The following UPP2 variants were observed in gnomAD, a reference collection of about 807,000 sequenced individuals.
The protein encoded by UPP2 is uridine phosphorylase 2.
In UPP2, 23 loss-of-function variants were observed where a neutral mutation model predicts 26.7. That is an observed-to-expected ratio of 0.86 (90% CI 0.62 to 1.22). The LOEUF is 1.22. UPP2 is among the 50% of genes most tolerant of loss of function. UPP2 has a pLI of 0.00. For missense variants in UPP2, 387 were observed against 396.7 expected, an observed-to-expected ratio of 0.98 and a Z score of 0.21; for synonymous variants, 127 against 141.3, an observed-to-expected ratio of 0.90 and a Z score of 0.72.
Position 158,116,400 on chromosome 2 carries a change from T to C in UPP2, c.339+1141T>C, listed in dbSNP as rs573528587. On this transcript the variant is annotated intron_variant, in intron 3 of 6. Coordinates refer to ENST00000005756, the MANE Select transcript of UPP2 (RefSeq NM_173355.4). Reference sequence around the variant, plus strand: ...GTTTCTTAAAAATGTGACACTACCATAAATAAGCAGTAAAACTTCACAGTA... The same window carrying C: ...GTTTCTTAAAAATGTGACACTACCACAAATAAGCAGTAAAACTTCACAGTA... 2.7e-4 allele frequency among the ~76,000 whole-genome samples: 41 copies of C among 152,224 alleles called. No homozygotes were observed. In the South Asian group the frequency reaches 8.1e-3, roughly 30 times the overall value.
chr2:158,041,980 C>A (rs1684088160), intron 3 of UPP2, among the ~76,000 whole-genome samples: 1 of 152,222 alleles, frequency 6.6e-6, no homozygotes, highest in Non-Finnish European at 1.5e-5. Flanking sequence ...TAATCCCTGA[C>A]TTAATCTTAC....
chr2:158,133,382 CGGAGAGAAACT>C (rs1683864483), intron 6 of UPP2, among the ~76,000 whole-genome samples: 1 of 151,968 alleles, frequency 6.6e-6, no homozygotes, highest in Non-Finnish European at 1.5e-5. Context: ...GGATGGGGAA[CGGAGAGAAACT>C]GGTCGAAGGG....
chr2:158,074,829 AT>A (rs553783906), intron 3 of UPP2, among the ~76,000 whole-genome samples: 4,339 of 142,106 alleles, frequency 0.031, 118 homozygotes, highest in African/African-American at 0.073. Context: ...GACTGAGAGA[AT>A]TTTTTTTTTT....
chr2:158,086,149 G>T (rs1682811273), intron 3 of UPP2, among the ~76,000 whole-genome samples: 1 of 151,862 alleles, frequency 6.6e-6, no homozygotes, highest in African/African-American at 2.4e-5. Context: ...ACTTTTCTTG[G>T]CATTTTTAAT....
chr2:158,091,171 G>C (rs530264691), intron 3 of UPP2, among the ~76,000 whole-genome samples: 4 of 152,220 alleles, frequency 2.6e-5, no homozygotes, highest in Non-Finnish European at 5.9e-5. Flanking sequence ...GGACACACTT[G>C]TAGCCTCTAG....
intron 3 of UPP2, among the ~76,000 whole-genome samples, chr2:158,072,979 T>G (rs1036979946): frequency 2.0e-5 from 3 of 151,922 alleles, no homozygotes; most frequent in Non-Finnish European, 4.4e-5. Flanking sequence ...TTCACCAAAC[T>G]AAATAAGGTA....
intron 3 of UPP2, among the ~76,000 whole-genome samples, chr2:158,044,987 A>G (rs1283605699): frequency 6.6e-6 from 1 of 152,204 alleles, no homozygotes; most frequent in South Asian, 2.1e-4. Context: ...TGAATGTTAA[A>G]TGAATGTATT....
At position 158,123,795 on chromosome 2, in the gene UPP2, A is replaced by G. The variant is rs761586852; in HGVS notation, c.711A>G (p.Lys237=). ...CACTGTGCTCCTTTTCCAGAGAAAA[A>G]AAGTTAGACTACTTGAAGAGAGCAT... ...DGALCSFSRE[K]KLDYLKRAFK... The change falls in exon 6 of 7, where the codon AAA becomes AAG. Residue 237 remains lysine (K), a synonymous_variant. Coordinates refer to ENST00000005756, the MANE Select transcript of UPP2 (RefSeq NM_173355.4). 6.2e-6 allele frequency: 10 copies of G among 1,614,114 alleles called. No homozygotes were observed. The highest frequency in any genetic ancestry group is 7.6e-6 in the Non-Finnish European group (9 of 1,179,952).
chr2:158,027,059 T>C (rs750114424), intron 3 of UPP2, among the ~76,000 whole-genome samples: 5 of 152,154 alleles, frequency 3.3e-5, no homozygotes, highest in Non-Finnish European at 5.9e-5. Context: ...AGATGAGATT[T>C]GGGTGGGGAC....
At chr2:158,014,127 G>A (rs1476002836) in intron 2 of UPP2, among the ~76,000 whole-genome samples, 2 of 152,176 alleles carry the variant, frequency 1.3e-5, no homozygotes, top group South Asian at 2.1e-4. Flanking sequence ...CATTTACTAC[G>A]CATCTGCTTT....
chr2:158,010,630 T>G (rs1325261907), intron 2 of UPP2, among the ~76,000 whole-genome samples: 1 of 152,194 alleles, frequency 6.6e-6, no homozygotes, highest in Non-Finnish European at 1.5e-5. Flanking sequence ...CAAAAACTGG[T>G]GAGGGAAATA....
chr2:158,095,739 C>T (rs1216338391), intron 3 of UPP2, among the ~76,000 whole-genome samples: 2 of 151,954 alleles, frequency 1.3e-5, no homozygotes, highest in African/African-American at 4.8e-5. Flanking sequence ...CAAAGCCTGG[C>T]CTGGAGTAAT....
At chr2:158,122,453 T>C (rs541822368) in intron 5 of UPP2, among the ~76,000 whole-genome samples, 1 of 152,206 alleles carries the variant, frequency 6.6e-6, no homozygotes, top group African/African-American at 2.4e-5. Context: ...ACATATTTGT[T>C]GTAAAATAGA....
At chr2:158,079,997 T>C (rs1574279198) in intron 3 of UPP2, among the ~76,000 whole-genome samples, 1 of 152,224 alleles carries the variant, frequency 6.6e-6, no homozygotes, top group East Asian at 1.9e-4. Flanking sequence ...CTTGCTTAGA[T>C]CCACACAGCC....
chr2:158,039,037 A>G (rs538673022), intron 3 of UPP2, among the ~76,000 whole-genome samples: 8 of 152,266 alleles, frequency 5.3e-5, no homozygotes, highest in South Asian at 2.1e-4. Context: ...AATTAAATCA[A>G]TTATCTGGGT....
chr2:158,127,495 T>G (rs1439532401), intron 6 of UPP2, among the ~76,000 whole-genome samples: 1 of 152,080 alleles, frequency 6.6e-6, no homozygotes, highest in Non-Finnish European at 1.5e-5. Context: ...TCTTTTTGAC[T>G]ATGGAAAATG....
chr2:158,134,971 C>T lies in UPP2; in HGVS notation c.*81C>T. ...TGTGAAAGTCATATTTTATTTGTGG[C>T]ATTTTTATATAGTTCTCATCCACAT... On this transcript the variant is annotated 3_prime_UTR_variant, in exon 7 of 7. Coordinates refer to ENST00000005756, the MANE Select transcript of UPP2 (RefSeq NM_173355.4). 1.4e-6 allele frequency: 2 copies of T among 1,475,016 alleles called. No homozygotes were observed. Among genetic ancestry groups the T allele is most frequent in the Non-Finnish European group, 9.1e-7 (1 of 1,104,026 alleles). 91.4% of individuals were successfully genotyped at this position (1,475,016 alleles called of 1,614,324 possible). A position where few individuals can be genotyped will look rare whatever the true frequency, so the allele number is the denominator to read the frequency against.
At chr2:158,047,515 T>C (rs1157510556) in intron 3 of UPP2, among the ~76,000 whole-genome samples, 1 of 152,234 alleles carries the variant, frequency 6.6e-6, no homozygotes, top group Non-Finnish European at 1.5e-5. Context: ...GGCATTGTTC[T>C]CTACTCAGAA....
chr2:158,103,686 T>C (rs4319893), intron 1 of UPP2, among the ~76,000 whole-genome samples: 15,646 of 152,282 alleles, frequency 0.1, 1,601 homozygotes, highest in African/African-American at 0.26. Context: ...TGGCAGTGTT[T>C]GTCAAACTTT....
Sources: gnomAD v4.1 joint callset for allele counts (sites outside exome capture counted in the v4.1 genomes callset) on GRCh38, gnomAD v4.1.1 for gene constraint, MANE v1.5 for transcripts, NCBI Gene and HGNC (gene_info 2026-07-23, HGNC 2026-07-21) for gene names.